The following ERLEC1 variants were observed in gnomAD, a reference collection of about 807,000 sequenced individuals.
ERLEC1 encodes the protein ER lectin.
In ERLEC1, 47 loss-of-function variants were observed where a neutral mutation model predicts 68.0. The ratio of observed to expected loss-of-function variants is 0.69; its 90% CI spans 0.55 to 0.88. The LOEUF (loss-of-function observed/expected upper bound fraction) is 0.88, where lower values mean the gene tolerates loss of function less well. ERLEC1 is among the 40% of genes least tolerant of loss of function. The pLI is 0.00. For synonymous variants in ERLEC1, 225 were observed against 203.2 expected, an observed-to-expected ratio of 1.11 and a Z score of -0.91; for missense variants, 567 against 583.8, an observed-to-expected ratio of 0.97 and a Z score of 0.30.
At chr2:53,790,401 G>C (rs1445075106) in intron 1 of ERLEC1, among the ~76,000 whole-genome samples, 2 of 151,452 alleles carry the variant, frequency 1.3e-5, no homozygotes, top group African/African-American at 4.9e-5. Context: ...CCTGGCCGCG[G>C]GTTGGACATT....
chr2:53,809,867 C>T (rs992422939), intron 10 of ERLEC1, among the ~76,000 whole-genome samples: 16 of 151,666 alleles, frequency 1.1e-4, no homozygotes, highest in Non-Finnish European at 2.4e-4. Context: ...ACCAGCCTGG[C>T]CAACATGGTG....
chr2:53,789,384 ACT>A, intron 1 of ERLEC1, among the ~76,000 whole-genome samples: 1 of 129,708 alleles, frequency 7.7e-6, no homozygotes, highest in South Asian at 2.5e-4. Context: ...ACAGAGTGAG[ACT>A]CTGTCTCAAA....
rs773973819 is a variant in ERLEC1 at position 53,787,181 on chromosome 2, G to T, written c.-30G>T. On this transcript the variant is annotated 5_prime_UTR_variant, in exon 1 of 14. Transcript: ENST00000185150. ...CTCCTCCTGGAGCAGAGGAGGTTGTGGCGGTGGCTGGAGAAAGCGGCGGCG... is the reference window on the plus strand; with the variant it reads ...CTCCTCCTGGAGCAGAGGAGGTTGTTGCGGTGGCTGGAGAAAGCGGCGGCG... 3.2e-6 allele frequency: 5 copies of T among 1,556,466 alleles called. No homozygotes were observed. The African/African-American group carries it at 5.4e-5, about 17-fold the overall frequency.
At chr2:53,787,447 T>G (rs1573053473) in intron 1 of ERLEC1, 75 bp downstream of exon 1, 1 of 1,502,608 alleles carries the variant, frequency 6.7e-7, no homozygotes. Context: ...TCGGTTTTCT[T>G]TGCTTTTTCT....
chr2:53,812,800 C>G, intron 10 of ERLEC1, 149 bp from the exon 11 acceptor site: 1 of 727,290 alleles, frequency 1.4e-6, no homozygotes. Flanking sequence ...TAAATTTCCA[C>G]TCATTGAATT....
chr2:53,799,026 A>G lies in ERLEC1; in HGVS notation c.491-21A>G, dbSNP rs367861689. 31 of 1,611,252 alleles carry G rather than the reference A, an allele frequency of 1.9e-5. No homozygotes were observed. The African/African-American group carries it at 4.0e-4, about 21-fold the overall frequency. ...ACATATGTCACTGCTCATTCTTTAC[A>G]CTTACCTTATTATTCCACAGAACGA... On this transcript the variant is annotated intron_variant, in intron 5 of 13. Coordinates refer to ENST00000185150, the MANE Select transcript of ERLEC1 (RefSeq NM_015701.5).
At chr2:53,794,227 A>T in intron 1 of ERLEC1, 118 bp from the exon 2 acceptor site, 1 of 509,872 alleles carries the variant, frequency 2.0e-6, no homozygotes, top group Non-Finnish European at 3.5e-6. Flanking sequence ...CTTTAAAATA[A>T]TCATCTGTTG....
At chr2:53,797,433 G>A in intron 3 of ERLEC1, 82 bp from the exon 4 acceptor site, 1 of 970,802 alleles carries the variant, frequency 1.0e-6, no homozygotes, top group African/African-American at 1.6e-5. Flanking sequence ...CTTAGGGGAA[G>A]TCTCAGCTGC....
At chr2:53,791,906 TAAAAAAAAAAAA>T (rs569591198) in intron 1 of ERLEC1, among the ~76,000 whole-genome samples, 11 of 117,766 alleles carry the variant, frequency 9.3e-5, no homozygotes, top group African/African-American at 3.6e-4. Flanking sequence ...AATGCTCTTT[TAAAAAAAAAAAA>T]AAAAAAAAAA....
chr2:53,790,033 A>G (rs537590193), intron 1 of ERLEC1, among the ~76,000 whole-genome samples: 1 of 148,852 alleles, frequency 6.7e-6, no homozygotes, highest in South Asian at 2.1e-4. Flanking sequence ...AAAAAAAAAG[A>G]AAAGAAAAGA....
intron 1 of ERLEC1, among the ~76,000 whole-genome samples, chr2:53,788,350 A>G (rs546932255): frequency 1.3e-5 from 2 of 152,178 alleles, no homozygotes; most frequent in East Asian, 1.9e-4. Context: ...ATAGCTTTCT[A>G]TTTGCAAGTG....
At position 53,798,282 on chromosome 2, in the gene ERLEC1, G is replaced by T. The variant is rs1675825819; in HGVS notation, c.490+487G>T. 2.7e-5 allele frequency among the ~76,000 whole-genome samples: 4 copies of T among 149,742 alleles called. No homozygotes were observed. The South Asian group carries it at 8.4e-4, about 32-fold the overall frequency. Reference sequence around the variant, plus strand: ...CTTTGTTTTCACCTTTTTTTTTTTAGACAGATTCTCTCTTTGTCACCCAGG... The same window carrying T: ...CTTTGTTTTCACCTTTTTTTTTTTATACAGATTCTCTCTTTGTCACCCAGG... On this transcript the variant is annotated intron_variant, in intron 5 of 13. Coordinates refer to ENST00000185150, the MANE Select transcript of ERLEC1 (RefSeq NM_015701.5).
At chr2:53,813,776 A>C (rs1676715688) in intron 11 of ERLEC1, among the ~76,000 whole-genome samples, 1 of 152,118 alleles carries the variant, frequency 6.6e-6, no homozygotes, top group Non-Finnish European at 1.5e-5. Flanking sequence ...AAAGTCAGCC[A>C]AATTAAAACA....
intron 10 of ERLEC1, among the ~76,000 whole-genome samples, chr2:53,809,724 G>T (rs1676487796): frequency 6.6e-6 from 1 of 152,110 alleles, no homozygotes; most frequent in South Asian, 2.1e-4. Context: ...CAGCACTCCA[G>T]CCAGGGTAAC....
chr2:53,809,456 C>G (rs1017743916), intron 10 of ERLEC1, among the ~76,000 whole-genome samples, 183 bp downstream of exon 10: 1 of 152,116 alleles, frequency 6.6e-6, no homozygotes, highest in Non-Finnish European at 1.5e-5. Context: ...AATCGGTAAC[C>G]TTAAAGTGAT....
Position 53,797,758 on chromosome 2 carries a change from T to TGG in ERLEC1, c.455_456dup (p.Asn153GlyfsTer34). 1 of 1,612,832 alleles carries TGG rather than the reference T, an allele frequency of 6.2e-7. No homozygotes were observed. Among genetic ancestry groups the TGG allele is most frequent in the Non-Finnish European group, 8.5e-7 (1 of 1,179,270 alleles). On this transcript the variant is annotated frameshift_variant, in exon 5 of 14. Transcript: ENST00000185150. LOFTEE classifies it high-confidence loss of function. ...AAATAAATATTCACGAGTACTACCT[T>TGG]GGGAATATGTTGGCCAAGAACCTTC...
intron 2 of ERLEC1, among the ~76,000 whole-genome samples, chr2:53,795,338 A>AAAG (rs1422393757): frequency 1.3e-5 from 2 of 152,170 alleles, no homozygotes; most frequent in Non-Finnish European, 2.9e-5. Context: ...TTATTAAGCC[A>AAAG]ATTCAGTAAT....
intron 8 of ERLEC1, 57 bp downstream of exon 8, chr2:53,801,899 A>G (rs941522402): frequency 1.4e-6 from 2 of 1,396,958 alleles, no homozygotes; most frequent in Non-Finnish European, 2.0e-6. Flanking sequence ...ATTTCAGAGC[A>G]TATGTCAATA....
In ERLEC1 at chr2:53,812,964, A is replaced by G; in HGVS notation, c.1117A>G (p.Lys373Glu). 1.2e-6 allele frequency: 2 copies of G among 1,612,458 alleles called. No homozygotes were observed. The highest frequency in any genetic ancestry group is 1.7e-6 in the Non-Finnish European group (2 of 1,179,684). ...HQYHEDKDSGKTSVVVGTWNQ... is the reference protein window; with the variant it reads ...HQYHEDKDSGETSVVVGTWNQ... ...CCCATATTAGGACAAGGATAGTGGGAAAACCTCTGTGGTTGTCGGGACATG... is the reference window on the plus strand; with the variant it reads ...CCCATATTAGGACAAGGATAGTGGGGAAACCTCTGTGGTTGTCGGGACATG... The change falls in exon 11 of 14, where the codon AAA becomes GAA. Residue 373 changes from lysine to glutamate, a missense_variant. Transcript: ENST00000185150.
Sources: gnomAD v4.1 joint callset for allele counts (sites outside exome capture counted in the v4.1 genomes callset) on GRCh38, gnomAD v4.1.1 for gene constraint, MANE v1.5 for transcripts, NCBI Gene and HGNC (gene_info 2026-07-23, HGNC 2026-07-21) for gene names.